Variants in ARHGAP18 observed in about 807,000 individuals in gnomAD.
The protein encoded by ARHGAP18 is Rho GTPase activating protein 18, also known as rho GTPase-activating protein 18.
In ARHGAP18, 67 loss-of-function variants were observed where a neutral mutation model predicts 86.2. The ratio of observed to expected loss-of-function variants is 0.78; its 90% CI spans 0.64 to 0.95. The LOEUF is 0.95. Ranked by LOEUF, ARHGAP18 falls within the 40% of genes least tolerant of loss-of-function variation. The probability of loss-of-function intolerance (pLI) is 0.00; values close to 1 mark genes in which losing one functional copy is unlikely to be tolerated. For synonymous variants in ARHGAP18, 283 were observed against 280.4 expected (o/e 1.01, Z -0.09); for missense variants, 691 against 780.4 (o/e 0.89, Z 1.37).
chr6:129,651,937 A>C (rs1773719822), intron 1 of ARHGAP18, among the ~76,000 whole-genome samples: 1 of 152,192 alleles, frequency 6.6e-6, no homozygotes, highest in Non-Finnish European at 1.5e-5. Flanking sequence ...GAGGCCCCAG[A>C]TGGCAGCCTC....
At chr6:129,617,247 C>T (rs977682035) in intron 6 of ARHGAP18, among the ~76,000 whole-genome samples, 1 of 152,140 alleles carries the variant, frequency 6.6e-6, no homozygotes, top group Admixed American at 6.5e-5. Flanking sequence ...ACCAACACCT[C>T]CACCCTGCCC....
chr6:129,676,176 C>T (rs1056584688), intron 1 of ARHGAP18, among the ~76,000 whole-genome samples: 4 of 152,204 alleles, frequency 2.6e-5, no homozygotes, highest in Admixed American at 6.5e-5. Context: ...AGCTTCCTCA[C>T]ATCTTATGCA....
rs150914452 is a variant in ARHGAP18 at position 129,663,155 on chromosome 6, C to T, written c.114-21137G>A. Among the ~76,000 whole-genome samples the T allele has an allele frequency of 4.2e-3, 636 of 152,290 alleles. 7 individuals carry two copies. Among genetic ancestry groups the T allele is most frequent in the African/African-American group, 0.015 (605 of 41,562 alleles). On this transcript the variant is annotated intron_variant, in intron 1 of 14. Coordinates refer to ENST00000368149, the MANE Select transcript of ARHGAP18 (RefSeq NM_033515.3). ...TCAAGACTCTGTATGATAAATGCCT[C>T]TGAAATCTGTCCCCAGCAAGGGTAA... is the stretch of plus-strand genomic sequence containing the variant.
intron 4 of ARHGAP18, 112 bp from the exon 5 acceptor site, chr6:129,629,634 G>T: frequency 9.3e-7 from 1 of 1,074,384 alleles, no homozygotes; most frequent in Non-Finnish European, 1.3e-6. Flanking sequence ...TTTTCTCTAG[G>T]CAATACTTAG....
chr6:129,603,560 T>C (rs1430126238), intron 10 of ARHGAP18, among the ~76,000 whole-genome samples: 1 of 152,190 alleles, frequency 6.6e-6, no homozygotes, highest in Non-Finnish European at 1.5e-5. Flanking sequence ...TACATACCTC[T>C]GCTCTTTAAA....
intron 1 of ARHGAP18, among the ~76,000 whole-genome samples, chr6:129,646,679 T>C (rs1773586942): frequency 6.6e-6 from 1 of 152,240 alleles, no homozygotes; most frequent in Admixed American, 6.5e-5. Context: ...CTGCCTTTAA[T>C]GTCAAGCTTA....
intron 13 of ARHGAP18, 21 bp downstream of exon 13, chr6:129,583,967 T>A: frequency 6.2e-6 from 10 of 1,609,554 alleles, no homozygotes; most frequent in Non-Finnish European, 6.8e-6. Flanking sequence ...ATGGCATAAT[T>A]AACACAAAAC....
At chr6:129,597,971 A>G (rs944670734) in intron 12 of ARHGAP18, among the ~76,000 whole-genome samples, 1 of 152,294 alleles carries the variant, frequency 6.6e-6, no homozygotes, top group South Asian at 2.1e-4. Context: ...TCTAAATATT[A>G]TTTAAAAGGT....
Position 129,625,054 on chromosome 6 carries a change from T to TA in ARHGAP18, c.786+4298_786+4299insT, listed in dbSNP as rs113601462. ...ATATATATTTATATAATATATATGA[T>TA]TGATATATATTTATATATAATATAT... On this transcript the variant is annotated intron_variant, in intron 5 of 14. Transcript: ENST00000368149. Among the ~76,000 whole-genome samples, 9 of 55,818 alleles carry TA rather than the reference T, an allele frequency of 1.6e-4. 3 individuals are homozygous for TA. Among genetic ancestry groups the TA allele is most frequent in the African/African-American group, 3.3e-4 (5 of 15,142 alleles). 36.6% of individuals were successfully genotyped at this position (55,818 alleles called of 152,430 possible).
chr6:129,621,347 G>T (rs950850828), intron 5 of ARHGAP18, among the ~76,000 whole-genome samples: 1 of 152,200 alleles, frequency 6.6e-6, no homozygotes, highest in African/African-American at 2.4e-5. Flanking sequence ...TAAGAGGAAA[G>T]GGGTCTTTCT....
intron 1 of ARHGAP18, among the ~76,000 whole-genome samples, chr6:129,663,217 T>TCACTAAACGACCCA (rs1562716506): frequency 7.2e-5 from 11 of 151,906 alleles, no homozygotes; most frequent in Non-Finnish European, 2.9e-5. Flanking sequence ...GAAACGACCC[T>TCACTAAACGACCCA]AGAGATCACT....
intron 12 of ARHGAP18, among the ~76,000 whole-genome samples, chr6:129,587,555 G>A (rs1045334424): frequency 6.6e-6 from 1 of 152,158 alleles, no homozygotes; most frequent in Admixed American, 6.5e-5. Context: ...GAGGCCTCAG[G>A]AAACTTACAA....
At chr6:129,603,369 T>A (rs1584037415) in intron 10 of ARHGAP18, among the ~76,000 whole-genome samples, 1 of 152,112 alleles carries the variant, frequency 6.6e-6, no homozygotes, top group African/African-American at 2.4e-5. Flanking sequence ...TATGTGTGTA[T>A]GTGTGTGTGT....
intron 1 of ARHGAP18, among the ~76,000 whole-genome samples, chr6:129,673,633 G>C (rs1774178372): frequency 6.6e-6 from 1 of 152,110 alleles, no homozygotes; most frequent in Non-Finnish European, 1.5e-5. Flanking sequence ...AGAATGATCA[G>C]ATTCAATTAT....
At chr6:129,623,006 CAAAA>C (rs57274879) in intron 5 of ARHGAP18, among the ~76,000 whole-genome samples, 3 of 39,736 alleles carry the variant, frequency 7.5e-5, no homozygotes, top group South Asian at 1.0e-3. Flanking sequence ...CATCTCAAAA[CAAAA>C]AAAAAAAAAA....
intron 1 of ARHGAP18, among the ~76,000 whole-genome samples, chr6:129,667,778 A>G (rs1774069456): frequency 6.6e-6 from 1 of 152,056 alleles, no homozygotes; most frequent in South Asian, 2.1e-4. Flanking sequence ...GTCTGATAAT[A>G]TCTGCCTGGG....
intron 13 of ARHGAP18, among the ~76,000 whole-genome samples, chr6:129,581,825 A>G (rs1788295819): frequency 6.6e-6 from 1 of 152,206 alleles, no homozygotes; most frequent in Non-Finnish European, 1.5e-5. Flanking sequence ...GAAGAAGCAC[A>G]GGAATGTGGT....
chr6:129,611,055 C>T lies in ARHGAP18; in HGVS notation c.1122+478G>A, dbSNP rs1197966073. ...GGAACTCCAGGTGACCACCACAATG[C>T]CTGGCTAATTTTTTAAAATTATTTT... On this transcript the variant is annotated intron_variant, in intron 8 of 14. Coordinates refer to ENST00000368149, the MANE Select transcript of ARHGAP18 (RefSeq NM_033515.3). Among the ~76,000 whole-genome samples the T allele has an allele frequency of 2.0e-5, 3 of 152,078 alleles. No individual in the cohort carries two copies. The East Asian group carries it at 5.8e-4, about 29-fold the overall frequency.
chr6:129,604,033 C>G (rs1788802335), intron 10 of ARHGAP18, among the ~76,000 whole-genome samples: 1 of 152,182 alleles, frequency 6.6e-6, no homozygotes, highest in Admixed American at 6.6e-5. Flanking sequence ...TTTTACAGAA[C>G]TAAATTTATG....
Sources: allele counts gnomAD v4.1 joint callset (sites outside exome capture counted in the v4.1 genomes callset), GRCh38; gene constraint gnomAD v4.1.1; transcripts MANE v1.5; gene names NCBI Gene and HGNC (gene_info 2026-07-23, HGNC 2026-07-21).